The following AMOTL1 variants were observed in gnomAD, a reference collection of about 807,000 sequenced individuals.
AMOTL1 encodes the protein angiomotin like 1, also known as angiomotin-like protein 1.
A neutral mutation model predicts 102.9 loss-of-function variants in AMOTL1; 45 were observed. The ratio of observed to expected loss-of-function variants is 0.44; its 90% confidence interval spans 0.34 to 0.56. AMOTL1 has a LOEUF of 0.56. Among genes scored for constraint, AMOTL1 ranks in the 20% least tolerant of loss-of-function variants. The pLI is 0.01. For synonymous variants in AMOTL1, 481 were observed against 484.7 expected (o/e 0.99, Z 0.10); for missense variants, 1,114 against 1,225.6 (o/e 0.91, Z 1.36).
chr11:94,715,610 A>G (rs946586954), intron 1 of AMOTL1, among the ~76,000 whole-genome samples: 6 of 152,022 alleles, frequency 3.9e-5, no homozygotes, highest in Non-Finnish European at 8.8e-5. Context: ...TTCTTGAAGG[A>G]TAGTTTTGCT....
intron 11 of AMOTL1, 111 bp from the exon 12 acceptor site, chr11:94,869,087 C>G (rs1952939952): frequency 1.6e-6 from 2 of 1,243,790 alleles, no homozygotes; most frequent in East Asian, 5.2e-5. Flanking sequence ...GGGAATGAAT[C>G]AATGAATGAA....
intron 1 of AMOTL1, among the ~76,000 whole-genome samples, chr11:94,722,677 C>T (rs1301364757): frequency 6.6e-6 from 1 of 152,168 alleles, no homozygotes; most frequent in Non-Finnish European, 1.5e-5. Flanking sequence ...TTCTGTATCA[C>T]TTCCCAAGTT....
At position 94,864,754 on chromosome 11, in the gene AMOTL1, C is replaced by T. The variant is rs1199110751; in HGVS notation, c.2155C>T (p.His719Tyr). The change falls in exon 10 of 13, where the codon CAC (histidine) becomes TAC (tyrosine). Residue 719 changes from histidine (H) to tyrosine (Y), a missense_variant. His to Tyr is a moderately conservative substitution (Grantham distance 83). Coordinates refer to ENST00000433060, the MANE Select transcript of AMOTL1 (RefSeq NM_130847.3). ...AAERDTTIINHSRNGSYGESS... is the reference protein window; with the variant it reads ...AAERDTTIINYSRNGSYGESS... Reference sequence around the variant, plus strand: ...TGCCAGGGACACCACGATCATCAACCACTCACGGAATGGCAGCTACGGAGA... The same window carrying T: ...TGCCAGGGACACCACGATCATCAACTACTCACGGAATGGCAGCTACGGAGA... 1 of 1,613,610 alleles carries T rather than the reference C, an allele frequency of 6.2e-7. No homozygotes were observed.
intron 6 of AMOTL1, among the ~76,000 whole-genome samples, chr11:94,831,781 T>C (rs1241838565): frequency 6.6e-6 from 1 of 152,146 alleles, no homozygotes; most frequent in African/African-American, 2.4e-5. Context: ...TCTCTCTCTC[T>C]CTCTATAATA....
chr11:94,862,292 T>C (rs1276635020), intron 9 of AMOTL1, among the ~76,000 whole-genome samples: 1 of 152,238 alleles, frequency 6.6e-6, no homozygotes, highest in East Asian at 1.9e-4. Context: ...ATTGCTTTTT[T>C]CTTTTCAGTA....
intron 8 of AMOTL1, among the ~76,000 whole-genome samples, chr11:94,858,120 T>C (rs553477979): frequency 2.5e-4 from 38 of 152,256 alleles, no homozygotes; most frequent in Non-Finnish European, 4.4e-4. Context: ...CTGACAAGCA[T>C]AGATGGCAGC....
chr11:94,868,806 G>C (rs900757005), intron 11 of AMOTL1, among the ~76,000 whole-genome samples: 12 of 152,080 alleles, frequency 7.9e-5, no homozygotes, highest in African/African-American at 2.9e-4. Context: ...GGAAAGCCTT[G>C]TGGGAACCTC....
At chr11:94,776,738 C>T (rs956280752) in intron 1 of AMOTL1, among the ~76,000 whole-genome samples, 9 of 152,224 alleles carry the variant, frequency 5.9e-5, no homozygotes, top group Non-Finnish European at 1.2e-4. Flanking sequence ...CAGGCCTTTT[C>T]CTTTCTGACA....
chr11:94,808,592 GA>G (rs1364991795), intron 3 of AMOTL1, among the ~76,000 whole-genome samples: 5 of 152,258 alleles, frequency 3.3e-5, no homozygotes, highest in Non-Finnish European at 7.4e-5. Context: ...AGAATCTGGG[GA>G]CCCCAGAGTG....
intron 6 of AMOTL1, among the ~76,000 whole-genome samples, 172 bp from the exon 7 acceptor site, chr11:94,849,942 A>G (rs1004000484): frequency 1.2e-4 from 19 of 152,140 alleles, no homozygotes; most frequent in Non-Finnish European, 2.1e-4. Context: ...GGTTTTTGAG[A>G]AAACCATTAC....
chr11:94,846,935 A>G (rs1952426133), intron 6 of AMOTL1, among the ~76,000 whole-genome samples: 1 of 152,292 alleles, frequency 6.6e-6, no homozygotes, highest in East Asian at 1.9e-4. Context: ...TTCAACAAAC[A>G]TGGGAAGATA....
intron 1 of AMOTL1, among the ~76,000 whole-genome samples, chr11:94,720,928 A>G (rs1025850648): frequency 6.6e-6 from 1 of 152,170 alleles, no homozygotes; most frequent in African/African-American, 2.4e-5. Context: ...TAACCTGTCC[A>G]GGCCAAGCAT....
intron 1 of AMOTL1, chr11:94,728,906 C>A: frequency 4.4e-6 from 5 of 1,134,578 alleles, no homozygotes; most frequent in Non-Finnish European, 5.8e-6. Context: ...TTTTTATATT[C>A]ATTATTTATT....
chr11:94,795,983 G>A (rs949679653), intron 2 of AMOTL1, among the ~76,000 whole-genome samples: 1 of 152,160 alleles, frequency 6.6e-6, no homozygotes, highest in African/African-American at 2.4e-5. Flanking sequence ...AGTAAATATG[G>A]TAGAGTGAAA....
intron 1 of AMOTL1, 45 bp from the exon 2 acceptor site, chr11:94,794,966 A>G (rs1468216932): frequency 6.4e-7 from 1 of 1,553,106 alleles, no homozygotes; most frequent in South Asian, 1.2e-5. Context: ...GGAAGGAAGG[A>G]GGACTTGATG....
chr11:94,736,730 C>A (rs897861449), intron 2 of AMOTL1, among the ~76,000 whole-genome samples: 1 of 152,184 alleles, frequency 6.6e-6, no homozygotes, highest in African/African-American at 2.4e-5. Flanking sequence ...AACTTGTGCA[C>A]TGTTTATTAT....
At chr11:94,808,569 C>G (rs1279693161) in intron 3 of AMOTL1, among the ~76,000 whole-genome samples, 1 of 152,078 alleles carries the variant, frequency 6.6e-6, no homozygotes, top group Non-Finnish European at 1.5e-5. Flanking sequence ...TTGCTGATCA[C>G]CATTCATGCT....
chr11:94,824,958 A>G (rs1275381054), intron 4 of AMOTL1, among the ~76,000 whole-genome samples: 1 of 152,236 alleles, frequency 6.6e-6, no homozygotes, highest in Non-Finnish European at 1.5e-5. Context: ...TTCAGAGACT[A>G]TAAAATCCCA....
At chr11:94,773,967 G>A (rs1199953227) in intron 1 of AMOTL1, among the ~76,000 whole-genome samples, 4 of 152,186 alleles carry the variant, frequency 2.6e-5, no homozygotes, top group Admixed American at 6.5e-5. Context: ...CCTCGGAATT[G>A]TACATGCTGA....
Sources: allele counts gnomAD v4.1 joint callset (sites outside exome capture counted in the v4.1 genomes callset), GRCh38; gene constraint gnomAD v4.1.1; transcripts MANE v1.5; gene names NCBI Gene and HGNC (gene_info 2026-07-23, HGNC 2026-07-21).